The following SNX29 variants were observed in gnomAD, a reference collection of about 807,000 sequenced individuals.
SNX29 encodes the protein sorting nexin-29.
In SNX29, 78 loss-of-function variants were observed where a neutral mutation model predicts 102.1. That is an observed-to-expected ratio of 0.76 (90% CI 0.64 to 0.92). The LOEUF (loss-of-function observed/expected upper bound fraction) is 0.92, where lower values mean the gene tolerates loss of function less well. Among genes scored for constraint, SNX29 ranks in the 40% least tolerant of loss-of-function variants. SNX29 has a pLI of 0.00. For synonymous variants in SNX29, 580 were observed against 414.5 expected (o/e 1.40, Z -4.85); for missense variants, 1,280 against 1,061.7 (o/e 1.21, Z -2.86).
chr16:12,570,824 G>A lies in SNX29; in HGVS notation c.*2195G>A, dbSNP rs56397350. ...AGAGATACTAACCCGTGAGAAACAA[G>A]TATGCTCTCAGCTGGTATTGAACTG... On this transcript the variant is annotated 3_prime_UTR_variant, in exon 21 of 21. Transcript: ENST00000566228. 3,348 of 232,318 alleles carry A rather than the reference G, an allele frequency of 0.014. 39 individuals are homozygous for A. Among genetic ancestry groups the A allele is most frequent in the Non-Finnish European group, 0.022 (2,600 of 117,476 alleles). The allele number at this position is 232,318 out of a possible 1,614,324, so 14.4% of individuals were successfully genotyped here.
chr16:12,466,556 G>C (rs577210594), intron 18 of SNX29, among the ~76,000 whole-genome samples: 224 of 152,292 alleles, frequency 1.5e-3, no homozygotes, highest in African/African-American at 5.3e-3. Flanking sequence ...GTCGCGGCCT[G>C]TCTTCAGAGC....
At chr16:12,416,203 C>G (rs1285217400) in intron 18 of SNX29, among the ~76,000 whole-genome samples, 1 of 152,056 alleles carries the variant, frequency 6.6e-6, no homozygotes, top group Non-Finnish European at 1.5e-5. Context: ...CCTTAAACGT[C>G]GAGTCCCTCT....
rs373496669 is a variant in SNX29 at position 12,228,541 on chromosome 16, A to G, written c.1678+28858A>G. On this transcript the variant is annotated intron_variant, in intron 14 of 20. Transcript: ENST00000566228. The stretch of plus-strand genomic sequence containing the variant: ...TTTTAAAACTACAAATATGCTCAAG[A>G]TATTTTCCTGCTTAAAACCCTTCAG... Among the ~76,000 whole-genome samples, 94 of 152,334 alleles carry G rather than the reference A, an allele frequency of 6.2e-4. 2 individuals carry two copies. In the South Asian group the frequency reaches 0.012, roughly 20 times the overall value.
intron 11 of SNX29, among the ~76,000 whole-genome samples, chr16:12,111,089 C>A (rs576697116): frequency 6.6e-5 from 10 of 152,154 alleles, no homozygotes; most frequent in Non-Finnish European, 1.5e-4. Flanking sequence ...TGCGATTACA[C>A]GTGTGGGCCA....
At chr16:12,171,273 G>A (rs1278671492) in intron 13 of SNX29, among the ~76,000 whole-genome samples, 2 of 152,048 alleles carry the variant, frequency 1.3e-5, no homozygotes, top group East Asian at 3.9e-4. Context: ...TGGAACCCAG[G>A]TCTGGGGTCT....
At chr16:12,178,616 A>G (rs377592508) in intron 13 of SNX29, among the ~76,000 whole-genome samples, 2 of 152,352 alleles carry the variant, frequency 1.3e-5, no homozygotes, top group East Asian at 1.9e-4. Flanking sequence ...CTTTTTGTAT[A>G]GGAGATCAGA....
chr16:12,042,857 C>T lies in SNX29; in HGVS notation c.248-40C>T, dbSNP rs1247673484. On this transcript the variant is annotated intron_variant, in intron 4 of 20. Coordinates refer to ENST00000566228, the MANE Select transcript of SNX29 (RefSeq NM_032167.5). ...GTGTTCCTCTCCCAGTGCTGAGTGC[C>T]CCAGGCCGAGTGCCAGGCGCCTGTG... 3.8e-6 allele frequency: 6 copies of T among 1,571,084 alleles called. No homozygotes were observed. In the African/African-American group the frequency reaches 4.0e-5, roughly 11 times the overall value.
intron 20 of SNX29, among the ~76,000 whole-genome samples, chr16:12,560,144 C>CA (rs1210708176): frequency 2.3e-5 from 1 of 43,282 alleles, no homozygotes; most frequent in Admixed American, 1.3e-4. Context: ...CTCCCCCCCC[C>CA]AACAAACAGT....
chr16:12,362,262 A>C (rs1358590161), intron 16 of SNX29, among the ~76,000 whole-genome samples: 1 of 152,142 alleles, frequency 6.6e-6, no homozygotes, highest in Non-Finnish European at 1.5e-5. Context: ...GGAAATCCTC[A>C]GTGTAGATGA....
intron 19 of SNX29, among the ~76,000 whole-genome samples, chr16:12,492,742 T>C (rs930387622): frequency 1.3e-5 from 2 of 152,248 alleles, no homozygotes; most frequent in Non-Finnish European, 2.9e-5. Flanking sequence ...TTCAGCTTTC[T>C]ACATATGGCT....
At chr16:12,265,755 T>C (rs547808849) in intron 14 of SNX29, among the ~76,000 whole-genome samples, 1 of 147,130 alleles carries the variant, frequency 6.8e-6, no homozygotes, top group Non-Finnish European at 1.5e-5. Flanking sequence ...CTGGGTTTGA[T>C]GGCACACGCC....
chr16:12,164,680 CTTTTT>C (rs34046413), intron 13 of SNX29, among the ~76,000 whole-genome samples: 2 of 90,606 alleles, frequency 2.2e-5, no homozygotes, highest in African/African-American at 5.1e-5. Context: ...TTATTCATGC[CTTTTT>C]TTTTTTTTTT....
chr16:12,496,448 A>C (rs2088828346), intron 19 of SNX29, among the ~76,000 whole-genome samples: 1 of 149,206 alleles, frequency 6.7e-6, no homozygotes, highest in Admixed American at 6.6e-5. Context: ...CCTTCGCTGG[A>C]GCACATGGTC....
At chr16:12,409,619 C>T (rs1337945600) in intron 18 of SNX29, among the ~76,000 whole-genome samples, 4 of 151,830 alleles carry the variant, frequency 2.6e-5, no homozygotes, top group Non-Finnish European at 4.4e-5. Flanking sequence ...TTAGTAGAGA[C>T]GGTGTTTCAC....
At chr16:12,559,460 T>C (rs915559509) in intron 20 of SNX29, among the ~76,000 whole-genome samples, 10 of 151,620 alleles carry the variant, frequency 6.6e-5, no homozygotes, top group African/African-American at 2.4e-4. Flanking sequence ...TACATTATGG[T>C]GAGTTGTGTA....
At chr16:12,085,651 G>A (rs2052136163) in intron 11 of SNX29, among the ~76,000 whole-genome samples, 1 of 151,524 alleles carries the variant, frequency 6.6e-6, no homozygotes. Context: ...CTAATAAAAT[G>A]TGTCTGTTTA....
Position 12,572,696 on chromosome 16 carries a change from G to C in SNX29, c.*4067G>C, listed in dbSNP as rs980833487. The C allele has an allele frequency of 5.6e-6, 6 of 1,063,790 alleles. No homozygotes were observed. The African/African-American group carries it at 6.5e-5, about 12-fold the overall frequency. The allele number at this position is 1,063,790 out of a possible 1,614,324, so 65.9% of individuals were successfully genotyped here. On this transcript the variant is annotated 3_prime_UTR_variant, in exon 21 of 21. Transcript: ENST00000566228. ...CACACGGGGGAAGCCCTGCACTCCA[G>C]CAGCATCTTCCAGCCTTGGCACAGA...
chr16:11,989,543 A>G (rs1157632265), intron 1 of SNX29, among the ~76,000 whole-genome samples: 1 of 152,106 alleles, frequency 6.6e-6, no homozygotes, highest in East Asian at 1.9e-4. Flanking sequence ...AGATAAAACC[A>G]CCACCGCACT....
chr16:12,490,993 A>T (rs1257309235), intron 19 of SNX29, among the ~76,000 whole-genome samples: 1 of 152,250 alleles, frequency 6.6e-6, no homozygotes, highest in East Asian at 1.9e-4. Flanking sequence ...TTCTTTTTAC[A>T]GCTTCACATC....
Sources: gnomAD v4.1 joint callset for allele counts (sites outside exome capture counted in the v4.1 genomes callset) on GRCh38, gnomAD v4.1.1 for gene constraint, MANE v1.5 for transcripts, NCBI Gene and HGNC (gene_info 2026-07-23, HGNC 2026-07-21) for gene names.